SDK2: variants seen among roughly 807,000 people sequenced by gnomAD.
SDK2 encodes the protein sidekick cell adhesion molecule 2.
In SDK2, 105 loss-of-function variants were observed where a neutral mutation model predicts 253.9. That is an observed-to-expected ratio of 0.41 (90% confidence interval 0.35 to 0.49). The LOEUF is 0.49. Ranked by LOEUF, SDK2 falls within the 20% of genes least tolerant of loss-of-function variation. The pLI is 0.06. For synonymous variants in SDK2, 1,249 were observed against 1,234.9 expected, an observed-to-expected ratio of 1.01 and a Z score of -0.24; for missense variants, 2,608 against 3,003.0, an observed-to-expected ratio of 0.87 and a Z score of 3.07.
At chr17:73,453,380 T>G (rs1273900197) in intron 4 of SDK2, among the ~76,000 whole-genome samples, 1 of 150,958 alleles carries the variant, frequency 6.6e-6, no homozygotes. Flanking sequence ...GTTTTTTTTT[T>G]TTTTCTTTTT....
At chr17:73,407,647 A>T (rs938079261) in intron 18 of SDK2, among the ~76,000 whole-genome samples, 1 of 152,178 alleles carries the variant, frequency 6.6e-6, no homozygotes, top group African/African-American at 2.4e-5. Context: ...TATATTGCCT[A>T]GGCTGGTCTT....
chr17:73,468,833 A>AT (rs532195266), intron 3 of SDK2, among the ~76,000 whole-genome samples: 8,474 of 144,120 alleles, frequency 0.059, 298 homozygotes, highest in Middle Eastern at 0.086. Flanking sequence ...CCTTATTTTT[A>AT]TTTTTTTTTG....
intron 1 of SDK2, among the ~76,000 whole-genome samples, chr17:73,554,043 C>A (rs1377035735): frequency 6.6e-6 from 1 of 152,088 alleles, no homozygotes; most frequent in Non-Finnish European, 1.5e-5. Context: ...TTTATGTCCT[C>A]CAGGGGGAGC....
At chr17:73,580,886 G>A (rs1462771248) in intron 1 of SDK2, among the ~76,000 whole-genome samples, 1 of 152,116 alleles carries the variant, frequency 6.6e-6, no homozygotes, top group Non-Finnish European at 1.5e-5. Flanking sequence ...CAAAGGAAAC[G>A]CTCATTGGAG....
rs538162021 is a variant in SDK2 at position 73,336,947 on chromosome 17, C to T, written c.*1640G>A. Reference sequence around the variant, plus strand: ...CAATGTATGGAGTTAGATAGAAAGGCTTCTCCCTAAACCCTGGCATCCGTA... The same window carrying T: ...CAATGTATGGAGTTAGATAGAAAGGTTTCTCCCTAAACCCTGGCATCCGTA... On this transcript the variant is annotated 3_prime_UTR_variant, in exon 45 of 45. Transcript: ENST00000392650. 7 of 152,242 alleles carry T rather than the reference C, an allele frequency of 4.6e-5. No individual in the cohort carries two copies. The highest frequency in any genetic ancestry group is 1.9e-4 in the East Asian group (1 of 5,178). The allele number at this position is 152,242 out of a possible 1,614,324, so 9.4% of individuals were successfully genotyped here.
At chr17:73,430,724 C>G (rs1021142220) in intron 11 of SDK2, 111 bp from the exon 12 acceptor site, 3 of 658,410 alleles carry the variant, frequency 4.6e-6, no homozygotes, top group African/African-American at 3.8e-5. Context: ...GAACAATGAG[C>G]TCCCTGGTAC....
chr17:73,627,591 A>G (rs1337066311), intron 1 of SDK2, among the ~76,000 whole-genome samples: 1 of 152,220 alleles, frequency 6.6e-6, no homozygotes, highest in East Asian at 1.9e-4. Context: ...GCTGAGCCCT[A>G]GGCGGACAGG....
At chr17:73,436,677 C>T (rs997442288) in intron 8 of SDK2, among the ~76,000 whole-genome samples, 2 of 151,892 alleles carry the variant, frequency 1.3e-5, no homozygotes, top group African/African-American at 2.4e-5. Flanking sequence ...AGCCTGCTTG[C>T]CTTCCCTTCC....
chr17:73,413,029 C>A lies in SDK2; in HGVS notation c.2484+1615G>T, dbSNP rs189868852. Among the ~76,000 whole-genome samples the A allele has an allele frequency of 6.6e-5, 10 of 152,244 alleles. No individual in the cohort carries two copies. In the East Asian group the frequency reaches 1.9e-3, roughly 29 times the overall value. ...TTGTTTAAGCCAGGGTTCCCCAATC[C>A]CCCACGGACCACCAGGTACCAGTCT... On this transcript the variant is annotated intron_variant, in intron 18 of 44. Coordinates refer to ENST00000392650, the MANE Select transcript of SDK2 (RefSeq NM_001144952.2).
intron 1 of SDK2, among the ~76,000 whole-genome samples, chr17:73,572,432 T>C (rs561946763): frequency 6.6e-6 from 1 of 152,126 alleles, no homozygotes; most frequent in East Asian, 1.9e-4. Context: ...CCAGCTCCCA[T>C]CCACCCCCAC....
intron 18 of SDK2, among the ~76,000 whole-genome samples, chr17:73,408,175 C>G (rs2063095951): frequency 6.6e-6 from 1 of 151,374 alleles, no homozygotes; most frequent in African/African-American, 2.4e-5. Context: ...CCTCAGCCTC[C>G]CGAGTAGCTG....
Position 73,358,065 on chromosome 17 carries a change from AG to A in SDK2, c.5593+13del. On this transcript the variant is annotated intron_variant, in intron 40 of 44. Coordinates refer to ENST00000392650, the MANE Select transcript of SDK2 (RefSeq NM_001144952.2). Reference sequence around the variant, plus strand: ...ATGAGCTGTGGGGTCTCAGCCCAGCAGGGCGGGGCGCACCTGAAGGTCTGGC... The same window carrying A: ...ATGAGCTGTGGGGTCTCAGCCCAGCAGGCGGGGCGCACCTGAAGGTCTGGC... 6.2e-7 allele frequency: 1 copy of A among 1,613,086 alleles called. No homozygotes were observed. Among genetic ancestry groups the A allele is most frequent in the Non-Finnish European group, 8.5e-7 (1 of 1,179,774 alleles).
chr17:73,582,342 G>A (rs906876200), intron 1 of SDK2, among the ~76,000 whole-genome samples: 1 of 151,662 alleles, frequency 6.6e-6, no homozygotes, highest in Non-Finnish European at 1.5e-5. Flanking sequence ...CAGCATTTGG[G>A]GGTGCACACC....
At chr17:73,550,891 G>A (rs1054419902) in intron 1 of SDK2, among the ~76,000 whole-genome samples, 15 of 152,114 alleles carry the variant, frequency 9.9e-5, no homozygotes, top group Non-Finnish European at 1.8e-4. Flanking sequence ...CTGGAGTCAT[G>A]AGCCAAACGC....
chr17:73,595,959 T>G (rs1385864759), intron 1 of SDK2, among the ~76,000 whole-genome samples: 6 of 148,196 alleles, frequency 4.0e-5, no homozygotes, highest in African/African-American at 1.2e-4. Context: ...GGAGAAGCCC[T>G]TGACACATAG....
Position 73,423,924 on chromosome 17 carries a change from C to T in SDK2, c.1752G>A (p.Leu584=), listed in dbSNP as rs757273226. 6.3e-7 allele frequency: 1 copy of T among 1,576,888 alleles called. No individual in the cohort carries two copies. Among genetic ancestry groups the T allele is most frequent in the Non-Finnish European group, 8.6e-7 (1 of 1,160,726 alleles). The part of the protein sequence containing the change: ...AGGNDSRSAH[L]RVRQLPHAPE... ...GGGAGGGCTGCCCTTACCTGACTCG[C>T]AGGTGGGCACTGCGAGAGTCGTTGC... The change falls in exon 13 of 45, where the codon CTG becomes CTA. Residue 584 remains leucine (L), a synonymous_variant. Coordinates refer to ENST00000392650, the MANE Select transcript of SDK2 (RefSeq NM_001144952.2).
chr17:73,471,041 A>AAGCC (rs1160353550), intron 3 of SDK2, among the ~76,000 whole-genome samples: 1 of 152,020 alleles, frequency 6.6e-6, no homozygotes, highest in Non-Finnish European at 1.5e-5. Context: ...GGTTCTTCTG[A>AAGCC]AGCTGTCTTC....
intron 36 of SDK2, among the ~76,000 whole-genome samples, chr17:73,370,779 G>C (rs912601512): frequency 6.6e-6 from 1 of 151,972 alleles, no homozygotes; most frequent in African/African-American, 2.4e-5. Context: ...GAAAGGGGGA[G>C]AGGGCCGGGT....
intron 24 of SDK2, among the ~76,000 whole-genome samples, chr17:73,397,063 T>C (rs993061339): frequency 4.6e-5 from 7 of 152,230 alleles, no homozygotes; most frequent in African/African-American, 1.7e-4. Context: ...AGTTGTGTTT[T>C]GCACAATGAG....
Sources: allele counts gnomAD v4.1 joint callset (sites outside exome capture counted in the v4.1 genomes callset), GRCh38; gene constraint gnomAD v4.1.1; transcripts MANE v1.5; gene names NCBI Gene and HGNC (gene_info 2026-07-23, HGNC 2026-07-21).